NELL1: variants seen among roughly 807,000 people sequenced by gnomAD.
NELL1 encodes neural EGFL like 1.
NELL1 carries 76 observed loss-of-function variants against 107.4 expected under a neutral mutation model. The observed-to-expected ratio is 0.71, with a 90% confidence interval of 0.59 to 0.86. The LOEUF (loss-of-function observed/expected upper bound fraction) is 0.86. Ranked by LOEUF, NELL1 falls within the 40% of genes least tolerant of loss-of-function variation. The pLI is 0.00. For synonymous variants in NELL1, 353 were observed against 341.2 expected (o/e 1.03, Z -0.38); for missense variants, 1,024 against 1,005.5 (o/e 1.02, Z -0.25).
rs567636487 is a variant in NELL1 at position 21,152,749 on chromosome 11, A to AT, written c.1426+39043dup. 4.3e-3 allele frequency among the ~76,000 whole-genome samples: 647 copies of AT among 152,110 alleles called. 6 individuals are homozygous for AT. The highest frequency in any genetic ancestry group is 0.015 in the African/African-American group (618 of 41,494). ...AAAATATACATATAGAAAATTATGG[A>AT]TTTTTTTTCTTTCTAAGAATGACCA... is the stretch of plus-strand genomic sequence containing the variant. On this transcript the variant is annotated intron_variant, in intron 13 of 19. Transcript: ENST00000357134.
intron 4 of NELL1, among the ~76,000 whole-genome samples, chr11:20,875,261 G>A (rs1371645666): frequency 6.6e-6 from 1 of 151,860 alleles, no homozygotes; most frequent in African/African-American, 2.4e-5. Context: ...CCCTAACTTT[G>A]GACCCTTTTC....
rs115937635 is a variant in NELL1 at position 21,055,673 on chromosome 11, T to A, written c.1301-57916T>A. Reference sequence around the variant, plus strand: ...ATTTTTTGACTCATCTCATACTGAATGGAGGGAGTACCCAGGAGGGATTGG... The same window carrying A: ...ATTTTTTGACTCATCTCATACTGAAAGGAGGGAGTACCCAGGAGGGATTGG... On this transcript the variant is annotated intron_variant, in intron 12 of 19. Coordinates refer to ENST00000357134, the MANE Select transcript of NELL1 (RefSeq NM_006157.5). 4.9e-3 allele frequency among the ~76,000 whole-genome samples: 749 copies of A among 152,170 alleles called. 1 individual carries two copies. Among genetic ancestry groups the A allele is most frequent in the African/African-American group, 0.017 (711 of 41,524 alleles).
At chr11:21,288,771 G>A (rs900241673) in intron 14 of NELL1, among the ~76,000 whole-genome samples, 4 of 152,122 alleles carry the variant, frequency 2.6e-5, no homozygotes, top group South Asian at 4.1e-4. Context: ...TAGATTAGTC[G>A]GGGGGTTCTT....
At chr11:21,164,214 T>C (rs965086108) in intron 13 of NELL1, among the ~76,000 whole-genome samples, 2 of 152,238 alleles carry the variant, frequency 1.3e-5, no homozygotes, top group African/African-American at 4.8e-5. Flanking sequence ...TTCAAATAGA[T>C]GTAAACTGTG....
intron 14 of NELL1, among the ~76,000 whole-genome samples, chr11:21,269,816 A>G (rs888774058): frequency 2.6e-5 from 4 of 152,184 alleles, no homozygotes; most frequent in Non-Finnish European, 5.9e-5. Flanking sequence ...GATCTAACAG[A>G]TAACAGTTTG....
intron 3 of NELL1, among the ~76,000 whole-genome samples, chr11:20,807,539 C>T (rs926573864): frequency 2.6e-5 from 4 of 152,156 alleles, no homozygotes; most frequent in South Asian, 2.1e-4. Flanking sequence ...CTACTATAAC[C>T]GCTACCTGTC....
At chr11:21,409,977 ATAT>A (rs2133808958) in intron 15 of NELL1, among the ~76,000 whole-genome samples, 1 of 152,190 alleles carries the variant, frequency 6.6e-6, no homozygotes, top group South Asian at 2.1e-4. Flanking sequence ...TTAATTTAGG[ATAT>A]TGTTTCATTA....
intron 2 of NELL1, among the ~76,000 whole-genome samples, chr11:20,703,266 A>G (rs1374585314): frequency 6.6e-6 from 1 of 152,148 alleles, no homozygotes; most frequent in African/African-American, 2.4e-5. Context: ...CGTTTCTTCT[A>G]GATTTTCTAG....
At chr11:20,875,469 T>C (rs531048761) in intron 4 of NELL1, among the ~76,000 whole-genome samples, 1 of 152,322 alleles carries the variant, frequency 6.6e-6, no homozygotes, top group African/African-American at 2.4e-5. Flanking sequence ...CTTGGGAGGC[T>C]GAGGTGGGAG....
chr11:21,393,521 A>G (rs1056143379), intron 15 of NELL1, among the ~76,000 whole-genome samples: 2 of 151,798 alleles, frequency 1.3e-5, no homozygotes, highest in Admixed American at 1.3e-4. Context: ...TTCTGACTAT[A>G]GAAATAAAGT....
chr11:21,245,366 G>A (rs1229125876), intron 14 of NELL1, among the ~76,000 whole-genome samples: 1 of 152,132 alleles, frequency 6.6e-6, no homozygotes, highest in Non-Finnish European at 1.5e-5. Flanking sequence ...GCTTCCTCAG[G>A]TTATAAGAAT....
At chr11:20,713,762 CT>C (rs1771127351) in intron 2 of NELL1, among the ~76,000 whole-genome samples, 1 of 152,152 alleles carries the variant, frequency 6.6e-6, no homozygotes, top group Non-Finnish European at 1.5e-5. Context: ...TACTCATTGC[CT>C]TCTTTAAGGA....
intron 2 of NELL1, among the ~76,000 whole-genome samples, chr11:20,697,168 T>C (rs1421499641): frequency 6.6e-6 from 1 of 152,124 alleles, no homozygotes; most frequent in Non-Finnish European, 1.5e-5. Context: ...GGCACAGATA[T>C]TTAAGTTGAA....
chr11:21,136,100 G>A (rs1855738789), intron 13 of NELL1, among the ~76,000 whole-genome samples: 2 of 152,200 alleles, frequency 1.3e-5, no homozygotes, highest in Non-Finnish European at 2.9e-5. Flanking sequence ...AAATTACATA[G>A]GGCCGTAGGG....
chr11:21,493,372 G>A (rs1000674531), intron 15 of NELL1, among the ~76,000 whole-genome samples: 7 of 152,020 alleles, frequency 4.6e-5, no homozygotes, highest in Non-Finnish European at 8.8e-5. Context: ...AAGTAAATGT[G>A]GCATGTATAC....
chr11:21,068,929 G>A (rs1057013897), intron 12 of NELL1, among the ~76,000 whole-genome samples: 19 of 152,186 alleles, frequency 1.2e-4, no homozygotes, highest in Non-Finnish European at 1.8e-4. Context: ...GTGACAAAGG[G>A]AATGGATTAG....
At chr11:21,179,141 G>A (rs1270379553) in intron 13 of NELL1, among the ~76,000 whole-genome samples, 1 of 151,888 alleles carries the variant, frequency 6.6e-6, no homozygotes, top group Non-Finnish European at 1.5e-5. Context: ...TAACAGTCTT[G>A]CTCATTATCA....
intron 12 of NELL1, among the ~76,000 whole-genome samples, chr11:20,985,683 C>A (rs540452831): frequency 1.3e-5 from 2 of 152,254 alleles, no homozygotes; most frequent in Admixed American, 6.5e-5. Context: ...AGATTAGAGT[C>A]TTTTCCTTTA....
At chr11:21,331,945 C>A (rs10833508) in intron 14 of NELL1, among the ~76,000 whole-genome samples, 73,620 of 151,696 alleles carry the variant, frequency 0.49, 18,465 homozygotes, top group Admixed American at 0.62. Context: ...AGCTCTTTGG[C>A]GCTCTTTCCC....
Sources: gnomAD v4.1 joint callset for allele counts (sites outside exome capture counted in the v4.1 genomes callset) on GRCh38, gnomAD v4.1.1 for gene constraint, MANE v1.5 for transcripts, NCBI Gene and HGNC (gene_info 2026-07-23, HGNC 2026-07-21) for gene names.